ZFHX4: variants seen among roughly 807,000 people sequenced by gnomAD.
ZFHX4 encodes zinc finger homeobox 4.
A neutral mutation model predicts 267.6 loss-of-function variants in ZFHX4; 56 were observed. That is an observed-to-expected ratio of 0.21 (90% CI 0.17 to 0.26). The LOEUF (loss-of-function observed/expected upper bound fraction) is 0.26, where lower values mean the gene tolerates loss of function less well. Ranked by LOEUF, ZFHX4 falls within the 10% of genes least tolerant of loss-of-function variation. The pLI, the probability that ZFHX4 is intolerant of heterozygous loss-of-function variation, is 1.00. For synonymous variants in ZFHX4, 1,778 were observed against 1,665.6 expected, an observed-to-expected ratio of 1.07 and a Z score of -1.64; for missense variants, 4,332 against 4,420.0, an observed-to-expected ratio of 0.98 and a Z score of 0.56.
At chr8:76,781,565 G>T (rs763217926) in intron 4 of ZFHX4, among the ~76,000 whole-genome samples, 1 of 152,056 alleles carries the variant, frequency 6.6e-6, no homozygotes, top group Middle Eastern at 3.4e-3. Context: ...GATTTTGTTG[G>T]CATTGTGGAT....
chr8:76,845,947 T>C (rs1161077462), intron 6 of ZFHX4, among the ~76,000 whole-genome samples: 3 of 152,022 alleles, frequency 2.0e-5, no homozygotes, highest in African/African-American at 7.2e-5. Context: ...AAATAAATTA[T>C]GATCCTATTT....
At position 76,851,672 on chromosome 8, in the gene ZFHX4, C is replaced by G. The variant is rs1462272005; in HGVS notation, c.4751C>G (p.Thr1584Ser). The change falls in exon 10 of 11, where the codon ACC becomes AGC. Residue 1584 changes from threonine to serine, a missense_variant. Transcript: ENST00000651372. ...GCCTCCAGTCCTGTCCCACAAGAAA[C>G]CAACAGCAACACAGATAACAAACCC... ...QEASSPVPQE[T>S]NSNTDNKPYK... 1.2e-6 allele frequency: 2 copies of G among 1,613,800 alleles called. No individual in the cohort carries two copies. Among genetic ancestry groups the G allele is most frequent in the Non-Finnish European group, 8.5e-7 (1 of 1,179,876 alleles).
chr8:76,827,874 C>T (rs541770603), intron 4 of ZFHX4, among the ~76,000 whole-genome samples: 2 of 152,260 alleles, frequency 1.3e-5, no homozygotes, highest in South Asian at 4.1e-4. Context: ...ATTACAAATC[C>T]AGCCCCATTC....
chr8:76,824,304 G>T (rs986540458), intron 4 of ZFHX4, among the ~76,000 whole-genome samples: 3 of 152,158 alleles, frequency 2.0e-5, no homozygotes, highest in Non-Finnish European at 4.4e-5. Context: ...GCAACACAGG[G>T]AATAATCTAG....
chr8:76,852,142 T>C lies in ZFHX4; in HGVS notation c.5221T>C (p.Phe1741Leu), dbSNP rs751920632. ...TCAGCAGCCTCAGTTTCTCTTTCCA[T>C]TTTATATACCTGGGACGGAGTTCAG... ...QFQQPQFLFPFYIPGTEFSLG... is the reference protein window; with the variant it reads ...QFQQPQFLFPLYIPGTEFSLG... Residue 1741 changes from phenylalanine (F) to leucine (L), a missense_variant, in exon 10 of 11, where the codon TTT (phenylalanine) becomes CTT (leucine). By Grantham distance (22) the Phe-to-Leu change is conservative. Transcript: ENST00000651372. The C allele has an allele frequency of 1.2e-6, 2 of 1,613,812 alleles. No homozygotes were observed. Among genetic ancestry groups the C allele is most frequent in the African/African-American group, 2.7e-5 (2 of 74,908 alleles).
In ZFHX4 at chr8:76,865,648, A is replaced by G. The variant is rs1244257120; in HGVS notation, c.*1083A>G. 6.6e-6 allele frequency: 1 copy of G among 152,604 alleles called. No individual in the cohort carries two copies. The highest frequency in any genetic ancestry group is 1.5e-5 in the Non-Finnish European group (1 of 68,026). 9.5% of individuals were successfully genotyped at this position (152,604 alleles called of 1,614,324 possible). Reference sequence around the variant, plus strand: ...CTTGAAACTGTTTAAGTACAAGTTGAACAAAAATTATGAAAAGGTATATTT... The same window carrying G: ...CTTGAAACTGTTTAAGTACAAGTTGGACAAAAATTATGAAAAGGTATATTT... On this transcript the variant is annotated 3_prime_UTR_variant, in exon 11 of 11. Coordinates refer to ENST00000651372, the MANE Select transcript of ZFHX4 (RefSeq NM_024721.5).
Position 76,812,354 on chromosome 8 carries a change from G to T in ZFHX4, c.3326-20984G>T, listed in dbSNP as rs190377111. Among the ~76,000 whole-genome samples, 84 of 152,286 alleles carry T rather than the reference G, an allele frequency of 5.5e-4. 1 individual carries two copies. The East Asian group carries it at 0.011, about 19-fold the overall frequency. On this transcript the variant is annotated intron_variant, in intron 4 of 10. Transcript: ENST00000651372. ...GGAATTTTAGCTTGTGATACCTGGG[G>T]TGAAACTCATGAAACTTTTAGACTT...
At chr8:76,728,168 T>C (rs1808904968) in intron 3 of ZFHX4, among the ~76,000 whole-genome samples, 1 of 152,218 alleles carries the variant, frequency 6.6e-6, no homozygotes, top group Non-Finnish European at 1.5e-5. Flanking sequence ...AATATATATC[T>C]GTCTCAAGAA....
chr8:76,846,836 T>C (rs902662274), intron 6 of ZFHX4, among the ~76,000 whole-genome samples: 2 of 152,112 alleles, frequency 1.3e-5, no homozygotes, highest in Admixed American at 1.3e-4. Context: ...TTTATTCTAT[T>C]ACTGATGATC....
rs1809843181 is a variant in ZFHX4 at position 76,759,146 on chromosome 8, T to A, written c.3094-19062T>A. Among the ~76,000 whole-genome samples the A allele has an allele frequency of 2.6e-5, 4 of 152,302 alleles. No individual in the cohort carries two copies. The South Asian group carries it at 8.3e-4, about 32-fold the overall frequency. On this transcript the variant is annotated intron_variant, in intron 3 of 10. Coordinates refer to ENST00000651372, the MANE Select transcript of ZFHX4 (RefSeq NM_024721.5). ...CTGCTCAAACCTTAAACCTTAAAAA[T>A]CATTATCCTTTTTGTTCATTTGATT...
chr8:76,682,288 C>T (rs1351008622), intron 1 of ZFHX4, among the ~76,000 whole-genome samples: 2 of 152,210 alleles, frequency 1.3e-5, no homozygotes, highest in Non-Finnish European at 2.9e-5. Context: ...CCTTTTACCA[C>T]CCGCCCCTCT....
chr8:76,828,454 T>C (rs1811844613), intron 4 of ZFHX4, among the ~76,000 whole-genome samples: 1 of 152,226 alleles, frequency 6.6e-6, no homozygotes, highest in Non-Finnish European at 1.5e-5. Flanking sequence ...CTTTGATATC[T>C]CATCTCTTCC....
chr8:76,788,826 TG>T (rs1810762204), intron 4 of ZFHX4, among the ~76,000 whole-genome samples: 1 of 152,216 alleles, frequency 6.6e-6, no homozygotes, highest in African/African-American at 2.4e-5. Flanking sequence ...GTCTGGGGTC[TG>T]GGCCATACTA....
Position 76,864,167 on chromosome 8 carries a change from G to A in ZFHX4, c.10453G>A (p.Glu3485Lys), listed in dbSNP as rs1812962506. The stretch of plus-strand genomic sequence containing the variant: ...CAAACAAGCAATGAGAAATGCCAAA[G>A]AGCATGTTAGATTATTACCTCACTC... The part of the protein sequence containing the change: ...TIKQAMRNAK[E>K]HVRLLPHSVC... Residue 3485 changes from glutamate (E) to lysine (K), a missense_variant, in exon 11 of 11, where the codon GAG becomes AAG. By Grantham distance (56) the Glu-to-Lys change is moderately conservative (BLOSUM62 1). This residue lies in a region of ZFHX4 where 1,648 missense variants were observed against 1,625.0 expected (regional missense o/e 1.01). Coordinates refer to ENST00000651372, the MANE Select transcript of ZFHX4 (RefSeq NM_024721.5). 3.1e-6 allele frequency: 5 copies of A among 1,613,790 alleles called. No homozygotes were observed. The Admixed American group carries it at 5.0e-5, about 16-fold the overall frequency.
In ZFHX4 at chr8:76,866,653, G is replaced by T. The variant is rs1340137419; in HGVS notation, c.*2088G>T. 1 of 152,372 alleles carries T rather than the reference G, an allele frequency of 6.6e-6. No homozygotes were observed. The highest frequency in any genetic ancestry group is 1.5e-5 in the Non-Finnish European group (1 of 67,964). 9.4% of individuals were successfully genotyped at this position (152,372 alleles called of 1,614,324 possible). A position where few individuals can be genotyped will look rare whatever the true frequency, so the allele number is the denominator to read the frequency against. ...TGTTAAGCAGCAGCATTGTGAGATC[G>T]ATCTGTCCTGGCAGTTAACACGATG... is the stretch of plus-strand genomic sequence containing the variant. On this transcript the variant is annotated 3_prime_UTR_variant, in exon 11 of 11. Transcript: ENST00000651372.
chr8:76,822,450 C>CTGTTTTTTTTTTTTTTTTTTTT (rs1418711368), intron 4 of ZFHX4, among the ~76,000 whole-genome samples: 1 of 137,416 alleles, frequency 7.3e-6, no homozygotes, highest in Non-Finnish European at 1.5e-5. Flanking sequence ...CTGTGTCTAC[C>CTGTTTTTTTTTTTTTTTTTTTT]TCTTTTTTTT....
intron 3 of ZFHX4, among the ~76,000 whole-genome samples, chr8:76,716,641 A>G (rs1463331166): frequency 6.6e-6 from 1 of 152,154 alleles, no homozygotes; most frequent in African/African-American, 2.4e-5. Context: ...TTCTTCAAGC[A>G]AGCAGATTTT....
At chr8:76,717,930 A>G (rs1808621321) in intron 3 of ZFHX4, among the ~76,000 whole-genome samples, 1 of 152,182 alleles carries the variant, frequency 6.6e-6, no homozygotes. Context: ...AATGTGCAGT[A>G]TTTTTTATAG....
intron 3 of ZFHX4, among the ~76,000 whole-genome samples, chr8:76,741,215 T>C (rs1809307283): frequency 6.6e-6 from 1 of 152,164 alleles, no homozygotes; most frequent in African/African-American, 2.4e-5. Context: ...CAGATGACAG[T>C]GAATTCCAAA....
Sources: gnomAD v4.1 joint callset for allele counts (sites outside exome capture counted in the v4.1 genomes callset) on GRCh38, gnomAD v4.1.1 for gene constraint, gnomAD v4.1.1 regional missense constraint, MANE v1.5 for transcripts, NCBI Gene and HGNC (gene_info 2026-07-23, HGNC 2026-07-21) for gene names.